VPS13B: variants seen among roughly 807,000 people sequenced by gnomAD.
The protein encoded by VPS13B is intermembrane lipid transfer protein VPS13B.
Under a neutral mutation model 426.4 loss-of-function variants are expected in VPS13B, and 285 were observed. The ratio of observed to expected loss-of-function variants is 0.67; its 90% CI spans 0.61 to 0.74. The LOEUF (loss-of-function observed/expected upper bound fraction) is 0.74. Among genes scored for constraint, VPS13B ranks in the 30% least tolerant of loss-of-function variants. VPS13B has a pLI of 0.00. For synonymous variants in VPS13B, 1,676 were observed against 1,676.4 expected (o/e 1.00, Z 0.01); for missense variants, 4,537 against 4,782.6 (o/e 0.95, Z 1.51).
At chr8:99,449,504 C>A (rs149694755) in intron 23 of VPS13B, among the ~76,000 whole-genome samples, 4 of 152,026 alleles carry the variant, frequency 2.6e-5, no homozygotes, top group African/African-American at 9.7e-5. Flanking sequence ...TAGGATTATC[C>A]GAAGTCATTT....
chr8:99,440,004 T>G (rs944922509), intron 22 of VPS13B, among the ~76,000 whole-genome samples: 2 of 152,172 alleles, frequency 1.3e-5, no homozygotes, highest in Non-Finnish European at 2.9e-5. Flanking sequence ...CTTTATTGGT[T>G]TATCTTCAGT....
rs986620460 is a variant in VPS13B, at chr8:99,192,856, CTTTCTG to C, written c.2334-16_2334-11del. ...AAATGCTATTTACTGTATTGCGATT[CTTTCTG>C]TTTTCTTGTGCAGGACCAAAAGATC... On this transcript the variant is annotated splice_polypyrimidine_tract_variant and intron_variant, in intron 16 of 61. Transcript: ENST00000357162. 2.5e-6 allele frequency: 4 copies of C among 1,611,446 alleles called. No homozygotes were observed. The Admixed American group carries it at 5.0e-5, about 20-fold the overall frequency.
chr8:99,529,127 C>T (rs1405643863), intron 30 of VPS13B, among the ~76,000 whole-genome samples: 2 of 151,800 alleles, frequency 1.3e-5, no homozygotes, highest in Admixed American at 6.6e-5. Context: ...AAAAGATAAT[C>T]GTGTTTATTT....
At chr8:99,229,311 C>G (rs1377675599) in intron 17 of VPS13B, among the ~76,000 whole-genome samples, 1 of 152,186 alleles carries the variant, frequency 6.6e-6, no homozygotes, top group Non-Finnish European at 1.5e-5. Context: ...GGCATTGGCT[C>G]TGGGCTTCTC....
chr8:99,875,462 A>T lies in VPS13B; in HGVS notation c.11790A>T (p.Arg3930Ser), dbSNP rs184614305. 20 of 1,614,128 alleles carry T rather than the reference A, an allele frequency of 1.2e-5. No homozygotes were observed. The East Asian group carries it at 3.6e-4, about 29-fold the overall frequency. Residue 3930 changes from arginine to serine, a missense_variant, in exon 62 of 62, where the codon AGA (arginine) becomes AGT (serine). Arg to Ser is a moderately radical substitution (Grantham distance 110). Transcript: ENST00000357162. ...RERLSEQQYN[R>S]LVDYITKTSC... The stretch of plus-strand genomic sequence containing the variant: ...GACTGTCAGAGCAACAGTACAACAG[A>T]CTGGTGGACTACATCACAAAGACAT...
intron 31 of VPS13B, among the ~76,000 whole-genome samples, chr8:99,573,377 G>C (rs1825590859): frequency 6.6e-6 from 1 of 152,144 alleles, no homozygotes; most frequent in African/African-American, 2.4e-5. Flanking sequence ...CCTTGCCCAT[G>C]CCTATGTCCT....
intron 34 of VPS13B, 140 bp from the exon 35 acceptor site, chr8:99,661,214 G>A: frequency 9.7e-7 from 1 of 1,031,844 alleles, no homozygotes; most frequent in Non-Finnish European, 1.5e-6. Context: ...TTTACTGTAT[G>A]TGCACAAACA....
chr8:99,821,235 G>A, intron 49 of VPS13B, 59 bp from the exon 50 acceptor site: 1 of 1,541,756 alleles, frequency 6.5e-7, no homozygotes, highest in Non-Finnish European at 8.8e-7. Flanking sequence ...CCTGAGGATT[G>A]AAGTAAAAAA....
At chr8:99,137,809 A>C (rs1176512190) in intron 12 of VPS13B, among the ~76,000 whole-genome samples, 1 of 152,180 alleles carries the variant, frequency 6.6e-6, no homozygotes, top group African/African-American at 2.4e-5. Context: ...AAAGTTCTCT[A>C]AGATTCAGAA....
At chr8:99,283,764 A>G (rs1819284374) in intron 19 of VPS13B, among the ~76,000 whole-genome samples, 2 of 152,226 alleles carry the variant, frequency 1.3e-5, no homozygotes, top group South Asian at 2.1e-4. Context: ...TGTTACGCAT[A>G]AAAGTAAGTT....
chr8:99,234,736 A>G (rs1422243764), intron 17 of VPS13B, among the ~76,000 whole-genome samples: 1 of 152,270 alleles, frequency 6.6e-6, no homozygotes, highest in Non-Finnish European at 1.5e-5. Flanking sequence ...TGTATAATTT[A>G]TAAAATTGTT....
At chr8:99,315,505 T>C (rs1809590315) in intron 19 of VPS13B, among the ~76,000 whole-genome samples, 1 of 152,108 alleles carries the variant, frequency 6.6e-6, no homozygotes, top group Non-Finnish European at 1.5e-5. Context: ...TTGTTTATCC[T>C]TTGGTAAATG....
At chr8:99,269,468 A>T (rs1818465012) in intron 17 of VPS13B, among the ~76,000 whole-genome samples, 1 of 152,190 alleles carries the variant, frequency 6.6e-6, no homozygotes, top group South Asian at 2.1e-4. Flanking sequence ...CAAAAGCATT[A>T]TACTCTCTTT....
At chr8:99,129,144 A>G (rs1320875523) in intron 8 of VPS13B, among the ~76,000 whole-genome samples, 1 of 152,126 alleles carries the variant, frequency 6.6e-6, no homozygotes, top group Non-Finnish European at 1.5e-5. Flanking sequence ...TATAATGCAT[A>G]TATTAGCTGT....
chr8:99,336,693 G>C (rs962408992), intron 19 of VPS13B, among the ~76,000 whole-genome samples: 3 of 152,150 alleles, frequency 2.0e-5, no homozygotes, highest in Admixed American at 1.3e-4. Flanking sequence ...CCATCAAAAA[G>C]TGGGTGAAGG....
chr8:99,653,349 G>A (rs1829898306), intron 34 of VPS13B, among the ~76,000 whole-genome samples: 2 of 152,264 alleles, frequency 1.3e-5, no homozygotes, highest in South Asian at 2.1e-4. Flanking sequence ...AATGAAAATG[G>A]GGGGAATCAT....
intron 19 of VPS13B, among the ~76,000 whole-genome samples, chr8:99,300,397 A>G (rs558748470): frequency 7.4e-4 from 112 of 152,358 alleles, no homozygotes; most frequent in African/African-American, 2.5e-3. Flanking sequence ...ATATTTCTCA[A>G]TAAAGCATTG....
chr8:99,065,896 T>C (rs916589647), intron 3 of VPS13B, among the ~76,000 whole-genome samples: 5 of 152,206 alleles, frequency 3.3e-5, no homozygotes, highest in African/African-American at 1.2e-4. Context: ...TGAACTCCCA[T>C]TCACAATTGC....
intron 35 of VPS13B, among the ~76,000 whole-genome samples, chr8:99,673,365 A>G (rs1366665831): frequency 6.6e-6 from 1 of 151,930 alleles, no homozygotes; most frequent in Admixed American, 6.6e-5. Flanking sequence ...GGTACATTGT[A>G]TGTGTCCCGG....
Sources: gnomAD v4.1 joint callset for allele counts (sites outside exome capture counted in the v4.1 genomes callset) on GRCh38, gnomAD v4.1.1 for gene constraint, MANE v1.5 for transcripts, NCBI Gene and HGNC (gene_info 2026-07-23, HGNC 2026-07-21) for gene names.